The following LFNG variants were observed in gnomAD, a reference collection of about 807,000 sequenced individuals.
LFNG encodes the protein LFNG O-fucosylpeptide 3-beta-N-acetylglucosaminyltransferase.
LFNG carries 15 observed loss-of-function variants against 32.7 expected under a neutral mutation model. That is an observed-to-expected ratio of 0.46 (90% CI 0.31 to 0.71). The LOEUF is 0.71. Ranked by LOEUF, LFNG falls within the 30% of genes least tolerant of loss-of-function variation. The pLI, the probability that LFNG is intolerant of heterozygous loss-of-function variation, is 0.06. For synonymous variants in LFNG, 274 were observed against 246.8 expected (o/e 1.11, Z -1.03); for missense variants, 520 against 545.7 (o/e 0.95, Z 0.47).
chr7:2,528,957 C>G, downstream of LFNG: 1 of 492,146 alleles, frequency 2.0e-6, no homozygotes, highest in Non-Finnish European at 3.7e-6. Flanking sequence ...AGACTCCAAG[C>G]CAGGCAGGCC....
intron 5 of LFNG, 85 bp downstream of exon 5, chr7:2,525,855 G>A: frequency 8.3e-7 from 1 of 1,210,290 alleles, no homozygotes; most frequent in South Asian, 1.2e-5. Flanking sequence ...TCCCAGCCAT[G>A]GGGTGTCCCC....
upstream of LFNG, among the ~76,000 whole-genome samples, chr7:2,516,416 T>A (rs1006298111): frequency 6.6e-5 from 10 of 152,186 alleles, no homozygotes; most frequent in Non-Finnish European, 7.4e-5. Context: ...GGAAGGCAGA[T>A]GGCCACCTCA....
intron 1 of LFNG, among the ~76,000 whole-genome samples, chr7:2,524,235 A>T (rs966783371): frequency 6.6e-6 from 1 of 151,214 alleles, no homozygotes; most frequent in Non-Finnish European, 1.5e-5. Flanking sequence ...CCCACAGCCG[A>T]CCTCCTCCGC....
chr7:2,527,116 C>A lies in LFNG; in HGVS notation c.1074-30C>A. 1 of 1,600,980 alleles carries A rather than the reference C, an allele frequency of 6.2e-7. No homozygotes were observed. Among genetic ancestry groups the A allele is most frequent in the Non-Finnish European group, 8.5e-7 (1 of 1,169,994 alleles). ...GAGCTCAGCACCTGCCTGCCACCCACGCAGACCAGCCCCTGCTCTGTTCCC... is the reference window on the plus strand; with the variant it reads ...GAGCTCAGCACCTGCCTGCCACCCAAGCAGACCAGCCCCTGCTCTGTTCCC... On this transcript the variant is annotated intron_variant, in intron 7 of 7. Coordinates refer to ENST00000222725, the MANE Select transcript of LFNG (RefSeq NM_001040167.2). This position sits in a 1 kb window ranked among gnomAD's most constrained non-coding sequence, Gnocchi z 4.4.
At chr7:2,516,646 G>A (rs1016362342), upstream of LFNG, among the ~76,000 whole-genome samples, 2 of 152,176 alleles carry the variant, frequency 1.3e-5, no homozygotes, top group African/African-American at 4.8e-5. Flanking sequence ...TCCTGGCTCC[G>A]TGGGCCTGCT....
upstream of LFNG, among the ~76,000 whole-genome samples, chr7:2,512,892 T>A (rs889077408): frequency 6.6e-6 from 1 of 151,612 alleles, no homozygotes; most frequent in African/African-American, 2.4e-5. Context: ...AACCTCCACC[T>A]CCACCTGCTC....
upstream of LFNG, chr7:2,518,744 G>A: frequency 4.3e-6 from 5 of 1,166,466 alleles, no homozygotes; most frequent in Non-Finnish European, 5.9e-6. Flanking sequence ...GGCACGGGAA[G>A]ACAGCGCAGC....
In LFNG at chr7:2,526,169, C is replaced by A; in HGVS notation, c.822-75C>A. ...CTCCCTGAGGAGTGCAGCGCCTTTG[C>A]CTGGTGGGGCCTCCCCAGCTCCCAG... On this transcript the variant is annotated intron_variant, in intron 5 of 7. Transcript: ENST00000222725. This position sits in a 1 kb window ranked among gnomAD's most constrained non-coding sequence, Gnocchi z 6.9. The A allele has an allele frequency of 6.5e-7, 1 of 1,543,326 alleles. No individual in the cohort carries two copies. The highest frequency in any genetic ancestry group is 1.1e-5 in the South Asian group (1 of 89,200).
chr7:2,517,232 A>G (rs1779649597), upstream of LFNG, among the ~76,000 whole-genome samples: 1 of 152,104 alleles, frequency 6.6e-6, no homozygotes, highest in African/African-American at 2.4e-5. Context: ...AGACCTCAAG[A>G]AGTCACCACG....
chr7:2,521,162 G>A (rs1779776920), intron 1 of LFNG, among the ~76,000 whole-genome samples: 1 of 152,034 alleles, frequency 6.6e-6, no homozygotes, highest in African/African-American at 2.4e-5. Flanking sequence ...ACCTGGCGCT[G>A]TCCTGTTTTG....
intron 1 of LFNG, among the ~76,000 whole-genome samples, chr7:2,524,345 A>C (rs1267256185): frequency 6.6e-6 from 1 of 152,142 alleles, no homozygotes; most frequent in Non-Finnish European, 1.5e-5. Context: ...TGCCAGGTGC[A>C]CGGGGCGGGT....
upstream of LFNG, among the ~76,000 whole-genome samples, chr7:2,515,806 G>A (rs1779614941): frequency 6.6e-6 from 1 of 152,332 alleles, no homozygotes; most frequent in Middle Eastern, 3.4e-3. Flanking sequence ...AGGCAGGGTT[G>A]GGAATGGTGG....
intron 5 of LFNG, 127 bp downstream of exon 5, chr7:2,525,897 C>G: frequency 2.4e-6 from 2 of 832,884 alleles, no homozygotes; most frequent in Non-Finnish European, 3.9e-6. Context: ...CACTTACTTC[C>G]TATATTCCAC....
chr7:2,517,659 G>A, upstream of LFNG: 1 of 456,410 alleles, frequency 2.2e-6, no homozygotes, highest in Non-Finnish European at 4.4e-6. Context: ...GTCAGGTGGG[G>A]TGCAGGGTGG....
upstream of LFNG, chr7:2,519,756 G>A: frequency 1.6e-6 from 1 of 621,766 alleles, no homozygotes. Flanking sequence ...TAAGAGCGCG[G>A]GACACTGGTG....
At chr7:2,519,335 A>C (rs1779707968), upstream of LFNG, among the ~76,000 whole-genome samples, 1 of 152,026 alleles carries the variant, frequency 6.6e-6, no homozygotes, top group Non-Finnish European at 1.5e-5. Flanking sequence ...CGTGCTCAGG[A>C]GGGGAAGCGC....
At chr7:2,521,407 A>G (rs1252334852) in intron 1 of LFNG, among the ~76,000 whole-genome samples, 1 of 152,100 alleles carries the variant, frequency 6.6e-6, no homozygotes, top group African/African-American at 2.4e-5. Context: ...GGCGGCTCTC[A>G]CGCCGGCCCC....
chr7:2,513,602 C>T (rs746985344), upstream of LFNG, among the ~76,000 whole-genome samples: 3 of 152,170 alleles, frequency 2.0e-5, no homozygotes, highest in Admixed American at 6.5e-5. Flanking sequence ...GACATGGGCA[C>T]GGGGTCATGA....
upstream of LFNG, among the ~76,000 whole-genome samples, chr7:2,513,537 C>G (rs1779541247): frequency 6.6e-6 from 1 of 152,194 alleles, no homozygotes; most frequent in Non-Finnish European, 1.5e-5. Flanking sequence ...CTGACCCCTG[C>G]TCCCTCCACC....
Sources: allele counts gnomAD v4.1 joint callset (sites outside exome capture counted in the v4.1 genomes callset), GRCh38; gene constraint gnomAD v4.1.1; non-coding constraint Gnocchi (gnomAD v3.1); transcripts MANE v1.5; gene names NCBI Gene and HGNC (gene_info 2026-07-23, HGNC 2026-07-21).